The following ISM1 variants were observed in gnomAD, a reference collection of about 807,000 sequenced individuals.
ISM1 encodes isthmin-1.
A neutral mutation model predicts 46.3 loss-of-function variants in ISM1; 25 were observed. That is an observed-to-expected ratio of 0.54 (90% confidence interval 0.39 to 0.75). ISM1 has a LOEUF of 0.75. Ranked by LOEUF, ISM1 falls within the 30% of genes least tolerant of loss-of-function variation. The probability of loss-of-function intolerance (pLI) is 0.00; values close to 1 mark genes in which losing one functional copy is unlikely to be tolerated. For synonymous variants in ISM1, 255 were observed against 256.7 expected, an observed-to-expected ratio of 0.99 and a Z score of 0.06; for missense variants, 536 against 625.4, an observed-to-expected ratio of 0.86 and a Z score of 1.52.
chr20:13,293,110 G>A (rs1034677945), intron 5 of ISM1, among the ~76,000 whole-genome samples: 10 of 151,072 alleles, frequency 6.6e-5, no homozygotes, highest in Non-Finnish European at 1.5e-4. Flanking sequence ...TGAGGCAGGA[G>A]AATGGTGTGA....
chr20:13,297,085 GT>G (rs1036013676), intron 5 of ISM1, among the ~76,000 whole-genome samples: 6 of 152,184 alleles, frequency 3.9e-5, no homozygotes, highest in Non-Finnish European at 8.8e-5. Flanking sequence ...AGGACAAGCA[GT>G]TTTTGAGGCA....
the ISM1 span, among the ~76,000 whole-genome samples, chr20:13,320,508 G>A: frequency 6.6e-6 from 1 of 152,132 alleles, no homozygotes; most frequent in African/African-American, 2.4e-5. Flanking sequence ...GCTTTAGAAA[G>A]ACCCAAATAT....
chr20:13,300,918 C>T (rs553621080), downstream of ISM1, among the ~76,000 whole-genome samples: 54 of 152,304 alleles, frequency 3.5e-4, no homozygotes, highest in South Asian at 0.011. Context: ...CTTAAGACAG[C>T]CCAGATGAGC....
intron 1 of ISM1, 59 bp from the exon 2 acceptor site, chr20:13,270,445 G>T (rs2123251823): frequency 6.5e-7 from 1 of 1,545,892 alleles, no homozygotes; most frequent in Non-Finnish European, 8.7e-7. Context: ...GACTGTTAAG[G>T]GTGACATTTT....
intron 5 of ISM1, among the ~76,000 whole-genome samples, chr20:13,298,510 CT>C (rs1482716394): frequency 2.0e-5 from 3 of 152,154 alleles, no homozygotes; most frequent in African/African-American, 7.2e-5. Flanking sequence ...AAAATATCCT[CT>C]TTTTTGTAGA....
intron 1 of ISM1, among the ~76,000 whole-genome samples, chr20:13,262,536 G>T (rs2039999956): frequency 6.6e-6 from 1 of 151,682 alleles, no homozygotes; most frequent in Non-Finnish European, 1.5e-5. Context: ...ACACTTGAAA[G>T]AATAATTTAT....
chr20:13,225,962 A>G (rs551896598), intron 1 of ISM1, among the ~76,000 whole-genome samples: 1 of 151,886 alleles, frequency 6.6e-6, no homozygotes, highest in Non-Finnish European at 1.5e-5. Flanking sequence ...TAATAAAGGT[A>G]TCTCCTTTGT....
intron 3 of ISM1, among the ~76,000 whole-genome samples, chr20:13,286,452 C>T (rs188309890): frequency 1.3e-4 from 20 of 152,086 alleles, no homozygotes; most frequent in South Asian, 2.1e-4. Flanking sequence ...GGAAGGCAGC[C>T]GAATTTCCTG....
intron 1 of ISM1, among the ~76,000 whole-genome samples, chr20:13,260,748 A>T (rs1398681039): frequency 6.6e-6 from 1 of 152,210 alleles, no homozygotes; most frequent in Non-Finnish European, 1.5e-5. Flanking sequence ...TTCACAGAAT[A>T]AATAACCAAG....
chr20:13,316,776 A>G, the ISM1 span, among the ~76,000 whole-genome samples: 2 of 151,892 alleles, frequency 1.3e-5, no homozygotes, highest in African/African-American at 4.8e-5. Context: ...CTAGGAATAG[A>G]TGGGAACTTC....
chr20:13,321,615 T>C, the ISM1 span, among the ~76,000 whole-genome samples: 1 of 152,238 alleles, frequency 6.6e-6, no homozygotes, highest in African/African-American at 2.4e-5. Flanking sequence ...TCTTCACCAC[T>C]TGATCCTCGG....
At chr20:13,228,837 T>C (rs1438124711) in intron 1 of ISM1, among the ~76,000 whole-genome samples, 1 of 152,214 alleles carries the variant, frequency 6.6e-6, no homozygotes, top group East Asian at 1.9e-4. Context: ...TTCTCATACT[T>C]TTATTTCTGT....
the ISM1 span, among the ~76,000 whole-genome samples, chr20:13,311,232 A>AGATAGATAGATAGATAGAT: frequency 1.7e-5 from 2 of 115,488 alleles, no homozygotes; most frequent in African/African-American, 6.7e-5. Flanking sequence ...ATAGATAGAT[A>AGATAGATAGATAGATAGAT]GATAGATAGA....
intron 1 of ISM1, among the ~76,000 whole-genome samples, chr20:13,252,461 G>A (rs545704048): frequency 4.6e-5 from 7 of 152,198 alleles, no homozygotes; most frequent in African/African-American, 1.2e-4. Context: ...ATAAAGGGGC[G>A]CCATCTTGGC....
intron 1 of ISM1, among the ~76,000 whole-genome samples, chr20:13,256,395 CAA>C (rs559300861): frequency 0.039 from 2,770 of 71,680 alleles, 22 homozygotes; most frequent in African/African-American, 0.067. Flanking sequence ...GACCCCGTCT[CAA>C]AAAAAAAAAA....
In ISM1 at chr20:13,288,693, C is replaced by T. The variant is rs2040319896; in HGVS notation, c.787+10C>T. 1 of 1,610,308 alleles carries T rather than the reference C, an allele frequency of 6.2e-7. No individual in the cohort carries two copies. Among genetic ancestry groups the T allele is most frequent in the African/African-American group, 1.3e-5 (1 of 75,000 alleles). On this transcript the variant is annotated intron_variant, in intron 4 of 5. Coordinates refer to ENST00000262487, the MANE Select transcript of ISM1 (RefSeq NM_080826.2). ...CGTCCAAACTGCCCAGGTGCGTTTA[C>T]CTGAGTGTGTAGCTCCAAGTTCAAG...
intron 5 of ISM1, among the ~76,000 whole-genome samples, chr20:13,293,469 C>T (rs1320757578): frequency 6.6e-6 from 1 of 151,850 alleles, no homozygotes; most frequent in Non-Finnish European, 1.5e-5. Context: ...CACCTCTGCC[C>T]TGCCTCCTCA....
intron 1 of ISM1, among the ~76,000 whole-genome samples, chr20:13,262,838 T>TGCC (rs1274568762): frequency 3.9e-5 from 6 of 152,152 alleles, no homozygotes; most frequent in Admixed American, 3.9e-4. Context: ...TGCAAAGAGT[T>TGCC]GCCCATTCTT....
At chr20:13,243,537 G>A (rs770345854) in intron 1 of ISM1, among the ~76,000 whole-genome samples, 22 of 152,102 alleles carry the variant, frequency 1.4e-4, no homozygotes, top group Non-Finnish European at 2.4e-4. Context: ...CCTCTTAGCT[G>A]TTTGTCTTAT....
Sources: allele counts gnomAD v4.1 joint callset (sites outside exome capture counted in the v4.1 genomes callset), GRCh38; gene constraint gnomAD v4.1.1; transcripts MANE v1.5; gene names NCBI Gene and HGNC (gene_info 2026-07-23, HGNC 2026-07-21).